DDN: variants seen among roughly 807,000 people sequenced by gnomAD.
The protein encoded by DDN is dendrin.
Under a neutral mutation model 7.3 loss-of-function variants are expected in DDN, and 4 were observed. The ratio of observed to expected loss-of-function variants is 0.55; its 90% CI spans 0.27 to 1.25. The LOEUF is 1.25. Among genes scored for constraint, DDN ranks in the 50% most tolerant of loss-of-function variants. The pLI, the probability that DDN is intolerant of heterozygous loss-of-function variation, is 0.12. For missense variants in DDN, 933 were observed against 974.7 expected, an observed-to-expected ratio of 0.96 and a Z score of 0.57; for synonymous variants, 425 against 424.3, an observed-to-expected ratio of 1.00 and a Z score of -0.02.
rs751995234 is a variant in DDN, at chr12:48,997,033, C to T, written c.1843G>A (p.Val615Met). ...GCTGTGTGGCGGCGGATACGGGACA[C>T]GGCTTCTCGCAGGGCCCCGGCGTAG... ...GPYAGALREA[V>M]SRIRRHTAPD... Residue 615 changes from valine (V) to methionine (M), a missense_variant, in exon 2 of 2, where the codon GTG becomes ATG. By Grantham distance (21) the Val-to-Met change is conservative. Transcript: ENST00000421952. The T allele has an allele frequency of 1.2e-5, 18 of 1,559,556 alleles. No homozygotes were observed. In the Admixed American group the frequency reaches 1.5e-4, roughly 13 times the overall value.
chr12:48,999,291 G>GGCCCCCCCCCCCCCCCC lies in DDN; in HGVS notation c.-5_-4insGGGGGGGGGGGGGGGGC. On this transcript the variant is annotated 5_prime_UTR_variant, in exon 1 of 2. Coordinates refer to ENST00000421952, the MANE Select transcript of DDN (RefSeq NM_015086.2). ...AGAACAGTGGGCCATCCAGCATCCT[G>GGCCCCCCCCCCCCCCCC]CCCCACCCCACCCCGGCCCCCCACC... 2.0e-6 allele frequency: 3 copies of GGCCCCCCCCCCCCCCCC among 1,510,052 alleles called. No individual in the cohort carries two copies. Among genetic ancestry groups the GGCCCCCCCCCCCCCCCC allele is most frequent in the African/African-American group, 1.5e-5 (1 of 67,000 alleles). 93.5% of individuals were successfully genotyped at this position (1,510,052 alleles called of 1,614,324 possible).
chr12:48,998,644 G>T lies in DDN; in HGVS notation c.232C>A (p.Pro78Thr). Residue 78 changes from proline to threonine, a missense_variant, in exon 2 of 2, where the codon CCA (proline) becomes ACA (threonine). Coordinates refer to ENST00000421952, the MANE Select transcript of DDN (RefSeq NM_015086.2). ...NRTCGPRPGS[P>T]QPPPRRPWAS... is the part of the protein sequence containing the mutation. ...CAGGGCCGGCGGGGCGGCGGCTGTG[G>T]GGATCCCGGGCGCGGCCCACACCTG... 1.3e-6 allele frequency: 2 copies of T among 1,528,446 alleles called. No homozygotes were observed. Among genetic ancestry groups the T allele is most frequent in the South Asian group, 1.2e-5 (1 of 81,962 alleles). 94.7% of individuals were successfully genotyped at this position (1,528,446 alleles called of 1,614,324 possible).
At position 48,997,944 on chromosome 12, in the gene DDN, T is replaced by A; in HGVS notation, c.932A>T (p.Lys311Met). The change falls in exon 2 of 2, where the codon AAG becomes ATG. Residue 311 changes from lysine to methionine, a missense_variant. Physicochemically the swap from Lys to Met is moderately conservative, Grantham distance 95 (BLOSUM62 -1). Transcript: ENST00000421952. ...CCCCAGGCTTTTCTCCACGACCCCC[T>A]TGCCGGGCTCTGGCCTTGCTCTGGC... ...GAARARPEPG[K>M]GVVEKSLGLA... is the part of the protein sequence containing the mutation. The A allele has an allele frequency of 6.2e-7, 1 of 1,613,008 alleles. No homozygotes were observed. The highest frequency in any genetic ancestry group is 8.5e-7 in the Non-Finnish European group (1 of 1,179,986).
In DDN at chr12:48,997,789, T is replaced by C. The variant is rs765613895; in HGVS notation, c.1087A>G (p.Arg363Gly). ...GAGCCCTTGAGGTGGTGCCTGGATCTGGGAGCGGGATGCGGGGCACAGGGA... is the reference window on the plus strand; with the variant it reads ...GAGCCCTTGAGGTGGTGCCTGGATCCGGGAGCGGGATGCGGGGCACAGGGA... Reference protein sequence around the residue: ...AAPCAPHPAPRSRHHLKGSRE... With the variant: ...AAPCAPHPAPGSRHHLKGSRE... Residue 363 changes from arginine to glycine, a missense_variant, in exon 2 of 2, where the codon AGA becomes GGA. Arg to Gly is a moderately radical substitution (Grantham distance 125). Coordinates refer to ENST00000421952, the MANE Select transcript of DDN (RefSeq NM_015086.2). 2 of 1,612,548 alleles carry C rather than the reference T, an allele frequency of 1.2e-6. No individual in the cohort carries two copies. Among genetic ancestry groups the C allele is most frequent in the Non-Finnish European group, 1.7e-6 (2 of 1,178,922 alleles).
In DDN at chr12:48,996,536, T is replaced by A; in HGVS notation, c.*204A>T. On this transcript the variant is annotated 3_prime_UTR_variant, in exon 2 of 2. Coordinates refer to ENST00000421952, the MANE Select transcript of DDN (RefSeq NM_015086.2). ...GTGCCCTGAACATAACAGACATTAATTAAATCTGCTCATTCTCACCTCTCC... is the reference window on the plus strand; with the variant it reads ...GTGCCCTGAACATAACAGACATTAAATAAATCTGCTCATTCTCACCTCTCC... 1 of 857,278 alleles carries A rather than the reference T, an allele frequency of 1.2e-6. No homozygotes were observed. The highest frequency in any genetic ancestry group is 1.7e-6 in the Non-Finnish European group (1 of 580,592). 53.1% of individuals were successfully genotyped at this position (857,278 alleles called of 1,614,324 possible). A position where few individuals can be genotyped will look rare whatever the true frequency, so the allele number is the denominator to read the frequency against.
Position 48,997,351 on chromosome 12 carries a change from G to C in DDN, c.1525C>G (p.Pro509Ala). 6.2e-7 allele frequency: 1 copy of C among 1,611,692 alleles called. No individual in the cohort carries two copies. The highest frequency in any genetic ancestry group is 8.5e-7 in the Non-Finnish European group (1 of 1,179,160). Residue 509 changes from proline (P) to alanine (A), a missense_variant, in exon 2 of 2, where the codon CCT becomes GCT. By Grantham distance (27) the Pro-to-Ala change is conservative. Coordinates refer to ENST00000421952, the MANE Select transcript of DDN (RefSeq NM_015086.2). The stretch of plus-strand genomic sequence containing the variant: ...CTGCTCGACAGCCGCTTTTGACAAG[G>C]GGAAGGAAAGACCGTGGCCCCTTCA... ...EGEGATVFPS[P>A]CQKRLSSSRL...
chr12:48,998,708 GA>G, intron 1 of DDN, 42 bp from the exon 2 acceptor site: 1 of 1,448,370 alleles, frequency 6.9e-7, no homozygotes, highest in Admixed American at 2.8e-5. Flanking sequence ...GTTTGTGGGG[GA>G]AGGGAGCCGA....
Position 48,996,815 on chromosome 12 carries a change from T to G in DDN, c.2061A>C (p.Ile687=), listed in dbSNP as rs1565726567. The change falls in exon 2 of 2, where the codon ATA becomes ATC. Residue 687 remains isoleucine (I), a synonymous_variant. Transcript: ENST00000421952. ...CGAAGAGGACCTCCTCGGTTTGGCTTATGACATCTAGGATCTCCCCGACAC... is the reference window on the plus strand; with the variant it reads ...CGAAGAGGACCTCCTCGGTTTGGCTGATGACATCTAGGATCTCCCCGACAC... ...SDSVGEILDV[I]SQTEEVLFGV... 6.2e-7 allele frequency: 1 copy of G among 1,614,112 alleles called. No individual in the cohort carries two copies. The highest frequency in any genetic ancestry group is 1.7e-5 in the Admixed American group (1 of 60,018).
In DDN at chr12:48,998,422, G is replaced by C. The variant is rs1275892641; in HGVS notation, c.454C>G (p.Arg152Gly). The change falls in exon 2 of 2, where the codon CGG (arginine) becomes GGG (glycine). Residue 152 changes from arginine (R) to glycine (G), a missense_variant. Coordinates refer to ENST00000421952, the MANE Select transcript of DDN (RefSeq NM_015086.2). ...RPRPEPRNAP[R>G]VAQLAGLPAP... Reference sequence around the variant, plus strand: ...GGGAGCCCTGCCAGCTGGGCCACCCGAGGGGCGTTGCGGGGCTCCGGGCGG... The same window carrying C: ...GGGAGCCCTGCCAGCTGGGCCACCCCAGGGGCGTTGCGGGGCTCCGGGCGG... The C allele has an allele frequency of 6.6e-7, 1 of 1,513,910 alleles. No homozygotes were observed. The highest frequency in any genetic ancestry group is 1.4e-5 in the African/African-American group (1 of 69,636). 93.8% of individuals were successfully genotyped at this position (1,513,910 alleles called of 1,614,324 possible).
rs530727925 is a variant in DDN, at chr12:48,999,024, C to G, written c.209+55G>C. 7.7e-5 allele frequency: 122 copies of G among 1,587,244 alleles called. No individual in the cohort carries two copies. The African/African-American group carries it at 1.2e-3, about 15-fold the overall frequency. On this transcript the variant is annotated intron_variant, in intron 1 of 1. Coordinates refer to ENST00000421952, the MANE Select transcript of DDN (RefSeq NM_015086.2). ...TGCTCGCTGGTGCCTGCGGGGAGGT[C>G]CGGACCCCACTCCCCGCCCCACCAC... is the stretch of plus-strand genomic sequence containing the variant.
chr12:48,997,843 T>A lies in DDN; in HGVS notation c.1033A>T (p.Ile345Leu). ...AKATGSAGTE[I>L]APAGSATAAP... is the part of the protein sequence containing the mutation. ...GCAGTTGCAGACCCCGCAGGAGCTA[T>A]CTCGGTGCCTGCGCTCCCTGTAGCT... is the stretch of plus-strand genomic sequence containing the variant. Residue 345 changes from isoleucine (I) to leucine (L), a missense_variant, in exon 2 of 2, where the codon ATA (isoleucine) becomes TTA (leucine). By Grantham distance (5) the Ile-to-Leu change is conservative. Coordinates refer to ENST00000421952, the MANE Select transcript of DDN (RefSeq NM_015086.2). 6.2e-7 allele frequency: 1 copy of A among 1,613,700 alleles called. No homozygotes were observed. The highest frequency in any genetic ancestry group is 8.5e-7 in the Non-Finnish European group (1 of 1,179,974).
In DDN at chr12:48,998,352, G is replaced by C; in HGVS notation, c.524C>G (p.Pro175Arg). The part of the protein sequence containing the change: ...PERLAPVGRA[P>R]RPSAQPQSDP... Reference sequence around the variant, plus strand: ...GCTCTGCGGCTGCGCGGATGGACGGGGCGCTCGCCCCACAGGCGCCAGGCG... The same window carrying C: ...GCTCTGCGGCTGCGCGGATGGACGGCGCGCTCGCCCCACAGGCGCCAGGCG... The change falls in exon 2 of 2, where the codon CCC becomes CGC. Residue 175 changes from proline (P) to arginine (R), a missense_variant. By Grantham distance (103) the Pro-to-Arg change is moderately radical (BLOSUM62 -2). Transcript: ENST00000421952. 6.6e-7 allele frequency: 1 copy of C among 1,514,742 alleles called. No individual in the cohort carries two copies. Among genetic ancestry groups the C allele is most frequent in the Admixed American group, 2.2e-5 (1 of 46,264 alleles). The allele number at this position is 1,514,742 out of a possible 1,614,324, so 93.8% of individuals were successfully genotyped here.
At position 48,997,968 on chromosome 12, in the gene DDN, G is replaced by C. The variant is rs950796434; in HGVS notation, c.908C>G (p.Ala303Gly). The C allele has an allele frequency of 1.5e-5, 25 of 1,613,110 alleles. No homozygotes were observed. The highest frequency in any genetic ancestry group is 1.9e-5 in the Non-Finnish European group (23 of 1,180,004). ...CTTGCCGGGCTCTGGCCTTGCTCTG[G>C]CCGCTCCACAGCCTGGGGATCCCCC... ...LLGGSPGCGA[A>G]RARPEPGKGV... The change falls in exon 2 of 2, where the codon GCC becomes GGC. Residue 303 changes from alanine (A) to glycine (G), a missense_variant. By Grantham distance (60) the Ala-to-Gly change is moderately conservative. Transcript: ENST00000421952.
rs1458718763 is a variant in DDN at position 48,995,755 on chromosome 12, C to T, written c.*985G>A. The T allele has an allele frequency of 6.6e-6, 1 of 152,370 alleles. No individual in the cohort carries two copies. Among genetic ancestry groups the T allele is most frequent in the South Asian group, 2.1e-4 (1 of 4,832 alleles). 9.4% of individuals were successfully genotyped at this position (152,370 alleles called of 1,614,324 possible). A position where few individuals can be genotyped will look rare whatever the true frequency, so the allele number is the denominator to read the frequency against. On this transcript the variant is annotated 3_prime_UTR_variant, in exon 2 of 2. Coordinates refer to ENST00000421952, the MANE Select transcript of DDN (RefSeq NM_015086.2). ...CCTGGGAGGGAGATCGTGGCCACGC[C>T]TCAGAGCATCACTAAGGAGCATCGG...
At chr12:48,998,998 G>C (rs895961935) in intron 1 of DDN, 81 bp downstream of exon 1, 2 of 1,455,496 alleles carry the variant, frequency 1.4e-6, no homozygotes, top group African/African-American at 2.8e-5. Flanking sequence ...GGGACCAGCA[G>C]TGCTCGCTGG....
chr12:48,999,048 ACT>A, intron 1 of DDN, 29 bp downstream of exon 1: 1 of 1,601,804 alleles, frequency 6.2e-7, no homozygotes, highest in Non-Finnish European at 8.5e-7. Context: ...CCGCCCCACC[ACT>A]CTCTTCCCCT....
At position 48,998,040 on chromosome 12, in the gene DDN, C is replaced by G. The variant is rs1295560017; in HGVS notation, c.836G>C (p.Arg279Pro). The G allele has an allele frequency of 3.7e-6, 6 of 1,613,770 alleles. No homozygotes were observed. Among genetic ancestry groups the G allele is most frequent in the Non-Finnish European group, 5.1e-6 (6 of 1,180,056 alleles). ...GAGACCCCAAGCCCCGAGGACGTCC[C>G]GGTAGATCCGAGGATCCAGCCTCTT... ...TKKRLDPRIY[R>P]DVLGAWGLRQ... The change falls in exon 2 of 2, where the codon CGG becomes CCG. Residue 279 changes from arginine (R) to proline (P), a missense_variant. Arg to Pro is a moderately radical substitution (Grantham distance 103). Transcript: ENST00000421952.
rs1941186239 is a variant in DDN at position 48,995,181 on chromosome 12, T to C, written c.*1559A>G. 6.6e-6 allele frequency: 1 copy of C among 152,362 alleles called. No homozygotes were observed. The highest frequency in any genetic ancestry group is 1.5e-5 in the Non-Finnish European group (1 of 68,118). The allele number at this position is 152,362 out of a possible 1,614,324, so 9.4% of individuals were successfully genotyped here. ...AAGCTTAGATTTATTGAGCGCCTACTGTGTGCCAGGCAGTGTGCAAGGCGC... is the reference window on the plus strand; with the variant it reads ...AAGCTTAGATTTATTGAGCGCCTACCGTGTGCCAGGCAGTGTGCAAGGCGC... On this transcript the variant is annotated 3_prime_UTR_variant, in exon 2 of 2. Coordinates refer to ENST00000421952, the MANE Select transcript of DDN (RefSeq NM_015086.2).
rs1357558612 is a variant in DDN at position 48,996,148 on chromosome 12, T to A, written c.*592A>T. ...CGGAAGGATGGACCTTAGAATACCA[T>A]CATTTTATATACCAGGAGGCCTGGA... On this transcript the variant is annotated 3_prime_UTR_variant, in exon 2 of 2. Coordinates refer to ENST00000421952, the MANE Select transcript of DDN (RefSeq NM_015086.2). 1 of 152,332 alleles carries A rather than the reference T, an allele frequency of 6.6e-6. No individual in the cohort carries two copies. Among genetic ancestry groups the A allele is most frequent in the Middle Eastern group, 3.2e-3 (1 of 316 alleles). The allele number at this position is 152,332 out of a possible 1,614,324, so 9.4% of individuals were successfully genotyped here. A position where few individuals can be genotyped will look rare whatever the true frequency, so the allele number is the denominator to read the frequency against.
Sources: gnomAD v4.1 joint callset for allele counts on GRCh38, gnomAD v4.1.1 for gene constraint, MANE v1.5 for transcripts, NCBI Gene and HGNC (gene_info 2026-07-23, HGNC 2026-07-21) for gene names.